The following RBFOX3 variants were observed in gnomAD, a reference collection of about 807,000 sequenced individuals.
RBFOX3 encodes the protein RNA binding fox-1 homolog 3.
A neutral mutation model predicts 48.7 loss-of-function variants in RBFOX3; 17 were observed. That is an observed-to-expected ratio of 0.35 (90% confidence interval 0.24 to 0.52). The LOEUF (loss-of-function observed/expected upper bound fraction) is 0.52. Among genes scored for constraint, RBFOX3 ranks in the 20% least tolerant of loss-of-function variants. RBFOX3 has a pLI of 0.94. For synonymous variants in RBFOX3, 212 were observed against 209.5 expected (o/e 1.01, Z -0.10); for missense variants, 382 against 497.5 (o/e 0.77, Z 2.21).
In RBFOX3 at chr17:79,220,944, G is replaced by A. The variant is rs2059651498; in HGVS notation, c.-34+14822C>T. 6.6e-6 allele frequency among the ~76,000 whole-genome samples: 1 copy of A among 152,154 alleles called. No homozygotes were observed. The highest frequency in any genetic ancestry group is 2.4e-5 in the African/African-American group (1 of 41,426). Reference sequence around the variant, plus strand: ...TGGAGTGCAGGGAGGTGGGGCCACCGCCTGCAGGAGAGCCTGCATCTAACG... The same window carrying A: ...TGGAGTGCAGGGAGGTGGGGCCACCACCTGCAGGAGAGCCTGCATCTAACG... On this transcript the variant is annotated intron_variant, in intron 4 of 14. Transcript: ENST00000693108. This position sits in a 1 kb window ranked among gnomAD's most constrained non-coding sequence, Gnocchi z 5.9.
intron 1 of RBFOX3, among the ~76,000 whole-genome samples, chr17:79,515,424 C>T (rs1412808431): frequency 6.6e-6 from 1 of 152,210 alleles, no homozygotes; most frequent in African/African-American, 2.4e-5. Flanking sequence ...AGGTCTCTCC[C>T]ATCTCCTGTG....
intron 2 of RBFOX3, among the ~76,000 whole-genome samples, chr17:79,339,895 T>C (rs2081787792): frequency 6.6e-6 from 1 of 152,218 alleles, no homozygotes; most frequent in African/African-American, 2.4e-5. Context: ...CTTGCTGAAA[T>C]GCAGCAGTAA....
At chr17:79,422,236 G>A (rs1016103454) in intron 2 of RBFOX3, among the ~76,000 whole-genome samples, 31 of 151,958 alleles carry the variant, frequency 2.0e-4, no homozygotes, top group African/African-American at 5.3e-4. Flanking sequence ...ACGGGCACGC[G>A]GGGAGGGCTG....
chr17:79,114,572 C>A (rs901456288), intron 5 of RBFOX3, among the ~76,000 whole-genome samples: 3 of 152,232 alleles, frequency 2.0e-5, no homozygotes, highest in Admixed American at 2.0e-4. Context: ...GGGAGCCAGG[C>A]TGGACGGCAG....
chr17:79,480,108 C>T lies in RBFOX3; in HGVS notation c.-175+2346G>A, dbSNP rs1464808603. On this transcript the variant is annotated intron_variant, in intron 2 of 14. Transcript: ENST00000693108. This position sits in a 1 kb window ranked among gnomAD's most constrained non-coding sequence, Gnocchi z 4.8. ...AGCGACACTGCAGGGAGCCCCAGGA[C>T]AGAAAGAGCCAGAAAGAGCAGTGGG... Among the ~76,000 whole-genome samples, 9 of 152,198 alleles carry T rather than the reference C, an allele frequency of 5.9e-5. No individual in the cohort carries two copies. The highest frequency in any genetic ancestry group is 5.9e-4 in the Admixed American group (9 of 15,284).
chr17:79,527,683 C>T (rs983442652), intron 1 of RBFOX3, among the ~76,000 whole-genome samples: 1 of 152,222 alleles, frequency 6.6e-6, no homozygotes, highest in African/African-American at 2.4e-5. Context: ...CTTCCGATAT[C>T]CCCCACTTCC....
At chr17:79,244,023 C>T (rs75282068) in intron 3 of RBFOX3, among the ~76,000 whole-genome samples, 6,443 of 152,224 alleles carry the variant, frequency 0.042, 169 homozygotes, top group East Asian at 0.12. Context: ...CCATAGACAC[C>T]CTCGGCCTTC....
At chr17:79,164,211 C>T (rs1198986882) in intron 4 of RBFOX3, among the ~76,000 whole-genome samples, 1 of 152,234 alleles carries the variant, frequency 6.6e-6, no homozygotes, top group Admixed American at 6.5e-5. Context: ...AGGTTCCCCA[C>T]CTGGCAGGGG....
At chr17:79,648,349 C>A in the RBFOX3 span, among the ~76,000 whole-genome samples, 1 of 152,156 alleles carries the variant, frequency 6.6e-6, no homozygotes, top group Non-Finnish European at 1.5e-5. Flanking sequence ...AACTCACGGG[C>A]ACGTCCTCCC....
intron 3 of RBFOX3, among the ~76,000 whole-genome samples, chr17:79,280,963 G>A (rs2070322157): frequency 1.3e-5 from 2 of 152,184 alleles, no homozygotes; most frequent in African/African-American, 4.8e-5. Flanking sequence ...AGAAGAGGCA[G>A]TGAAGCGAGC....
chr17:79,395,353 C>A (rs1362522928), intron 2 of RBFOX3, among the ~76,000 whole-genome samples: 2 of 152,238 alleles, frequency 1.3e-5, no homozygotes, highest in Non-Finnish European at 2.9e-5. Flanking sequence ...GTGGAGCCAA[C>A]CACCGCTCAG....
At chr17:79,257,436 G>C (rs1249933293) in intron 3 of RBFOX3, among the ~76,000 whole-genome samples, 1 of 152,236 alleles carries the variant, frequency 6.6e-6, no homozygotes, top group Non-Finnish European at 1.5e-5. Flanking sequence ...GGAGTCTGCT[G>C]CCAAGATGCT....
intron 2 of RBFOX3, among the ~76,000 whole-genome samples, chr17:79,372,562 T>TC (rs1050980532): frequency 6.0e-5 from 9 of 150,546 alleles, no homozygotes; most frequent in African/African-American, 1.7e-4. Context: ...CCATTCTAAA[T>TC]CCCCCCCAGA....
chr17:79,372,971 A>G (rs1367573636), intron 2 of RBFOX3, among the ~76,000 whole-genome samples: 1 of 152,168 alleles, frequency 6.6e-6, no homozygotes, highest in Non-Finnish European at 1.5e-5. Flanking sequence ...GATAAGGAAC[A>G]AGGGCCAGCA....
the RBFOX3 span, among the ~76,000 whole-genome samples, chr17:79,616,582 A>AC: frequency 6.9e-6 from 1 of 145,650 alleles, no homozygotes; most frequent in African/African-American, 2.5e-5. Flanking sequence ...TCTCTATACA[A>AC]ACACACACAC....
At chr17:79,620,088 C>CATGCACACATGTGTGCATGCACGCAT in the RBFOX3 span, among the ~76,000 whole-genome samples, 2 of 147,072 alleles carry the variant, frequency 1.4e-5, no homozygotes, top group South Asian at 2.1e-4. Context: ...CACACAAGCA[C>CATGCACACATGTGTGCATGCACGCAT]ATGCACACAT....
At chr17:79,377,852 G>A (rs558188620) in intron 2 of RBFOX3, among the ~76,000 whole-genome samples, 3 of 152,288 alleles carry the variant, frequency 2.0e-5, no homozygotes, top group East Asian at 3.9e-4. Flanking sequence ...GGCTGCCTGC[G>A]GGACTGGGTC....
At chr17:79,147,742 C>A (rs1338211405) in intron 4 of RBFOX3, among the ~76,000 whole-genome samples, 1 of 152,242 alleles carries the variant, frequency 6.6e-6, no homozygotes. Flanking sequence ...TGTGTCCAGG[C>A]AGGCTCTGCG....
chr17:79,349,885 T>G (rs1478323096), intron 2 of RBFOX3, among the ~76,000 whole-genome samples: 1 of 151,512 alleles, frequency 6.6e-6, no homozygotes, highest in Non-Finnish European at 1.5e-5. Flanking sequence ...GGCACGGCCA[T>G]GATCACCAGG....
Sources: gnomAD v4.1 joint callset for allele counts (sites outside exome capture counted in the v4.1 genomes callset) on GRCh38, gnomAD v4.1.1 for gene constraint, Gnocchi (gnomAD v3.1) non-coding constraint, MANE v1.5 for transcripts, NCBI Gene and HGNC (gene_info 2026-07-23, HGNC 2026-07-21) for gene names.